The following CACNA2D3 variants were observed in gnomAD, a reference collection of about 807,000 sequenced individuals.
The protein encoded by CACNA2D3 is voltage-dependent calcium channel subunit alpha-2/delta-3.
In CACNA2D3, 60 loss-of-function variants were observed where a neutral mutation model predicts 160.6. The observed-to-expected ratio is 0.37, with a 90% CI of 0.30 to 0.46. The LOEUF (loss-of-function observed/expected upper bound fraction) is 0.46. CACNA2D3 is among the 20% of genes least tolerant of loss of function. The probability of loss-of-function intolerance (pLI) is 1.00; values close to 1 mark genes in which losing one functional copy is unlikely to be tolerated. For synonymous variants in CACNA2D3, 558 were observed against 492.9 expected, an observed-to-expected ratio of 1.13 and a Z score of -1.75; for missense variants, 1,205 against 1,365.0, an observed-to-expected ratio of 0.88 and a Z score of 1.85.
intron 3 of CACNA2D3, among the ~76,000 whole-genome samples, chr3:54,345,779 A>G (rs185155180): frequency 9.9e-5 from 15 of 152,170 alleles, no homozygotes; most frequent in Admixed American, 7.2e-4. Flanking sequence ...GGAAGAGTCT[A>G]AGTCTTTGCA....
At chr3:54,450,912 G>A (rs572225425) in intron 4 of CACNA2D3, among the ~76,000 whole-genome samples, 1 of 152,248 alleles carries the variant, frequency 6.6e-6, no homozygotes, top group East Asian at 1.9e-4. Context: ...GTGGATCTGA[G>A]AAACAAGTTA....
intron 11 of CACNA2D3, among the ~76,000 whole-genome samples, chr3:54,687,565 G>A (rs986675520): frequency 3.3e-5 from 5 of 152,132 alleles, no homozygotes; most frequent in African/African-American, 7.2e-5. Flanking sequence ...TGGTTGATAT[G>A]CCCAAAAGTT....
At chr3:54,544,456 TGCAGTG>T (rs1702029795) in intron 5 of CACNA2D3, among the ~76,000 whole-genome samples, 1 of 151,890 alleles carries the variant, frequency 6.6e-6, no homozygotes, top group Admixed American at 6.6e-5. Flanking sequence ...AAGACTGGAG[TGCAGTG>T]GCATGATCAT....
chr3:54,682,665 AAGTGAGTAT>A (rs1700376263), intron 11 of CACNA2D3, among the ~76,000 whole-genome samples: 1 of 149,904 alleles, frequency 6.7e-6, no homozygotes, highest in Non-Finnish European at 1.5e-5. Context: ...CAAGTTCAAA[AAGTGAGTAT>A]AGTGAATGCC....
At chr3:54,590,560 A>T (rs1702838865) in intron 9 of CACNA2D3, among the ~76,000 whole-genome samples, 1 of 151,832 alleles carries the variant, frequency 6.6e-6, no homozygotes, top group Non-Finnish European at 1.5e-5. Flanking sequence ...GTAACATGTC[A>T]TTGAAGAATA....
At chr3:54,490,459 T>G (rs1193166203) in intron 4 of CACNA2D3, among the ~76,000 whole-genome samples, 1 of 152,244 alleles carries the variant, frequency 6.6e-6, no homozygotes, top group African/African-American at 2.4e-5. Context: ...CATCTAATTC[T>G]TCCTCTGGCT....
chr3:54,156,036 T>G (rs570956155), intron 2 of CACNA2D3, among the ~76,000 whole-genome samples: 1 of 152,292 alleles, frequency 6.6e-6, no homozygotes, highest in East Asian at 1.9e-4. Context: ...TTAGCCTGGT[T>G]TATGTGCAAA....
chr3:54,427,222 C>T (rs914481840), intron 4 of CACNA2D3, among the ~76,000 whole-genome samples: 1 of 152,084 alleles, frequency 6.6e-6, no homozygotes, highest in African/African-American at 2.4e-5. Flanking sequence ...GTTATCTGTG[C>T]GTATCTGTTG....
intron 11 of CACNA2D3, among the ~76,000 whole-genome samples, chr3:54,738,374 G>A (rs1701574494): frequency 6.6e-6 from 1 of 152,186 alleles, no homozygotes; most frequent in African/African-American, 2.4e-5. Context: ...AGAACTTCCT[G>A]CAGTCATAAG....
intron 4 of CACNA2D3, among the ~76,000 whole-genome samples, chr3:54,460,263 T>A (rs1367173995): frequency 1.3e-5 from 2 of 152,188 alleles, no homozygotes; most frequent in Non-Finnish European, 2.9e-5. Flanking sequence ...GCAGGCTCTT[T>A]TTTGGTTCCA....
At chr3:55,034,627 TG>T (rs1559469844) in intron 35 of CACNA2D3, among the ~76,000 whole-genome samples, 3 of 152,106 alleles carry the variant, frequency 2.0e-5, no homozygotes, top group Non-Finnish European at 2.9e-5. Flanking sequence ...CTTCCATTCA[TG>T]CTTTCTGGTT....
chr3:54,402,640 A>G (rs1236811383), intron 4 of CACNA2D3, among the ~76,000 whole-genome samples: 1 of 152,180 alleles, frequency 6.6e-6, no homozygotes, highest in Non-Finnish European at 1.5e-5. Context: ...ACAAATATTA[A>G]TTGACATTAA....
rs570466609 is a variant in CACNA2D3 at position 54,270,615 on chromosome 3, G to A, written c.205-49827G>A. Among the ~76,000 whole-genome samples the A allele has an allele frequency of 2.6e-5, 4 of 152,304 alleles. No individual in the cohort carries two copies. In the East Asian group the frequency reaches 5.8e-4, roughly 22 times the overall value. ...ACAGTTCCATAGGTTGGAAGCCTGG[G>A]TGGGCTCTGCTGAGTTCTATGATCA... On this transcript the variant is annotated intron_variant, in intron 2 of 37. Coordinates refer to ENST00000474759, the MANE Select transcript of CACNA2D3 (RefSeq NM_018398.3).
At chr3:55,041,850 C>A (rs1703966916) in intron 35 of CACNA2D3, among the ~76,000 whole-genome samples, 1 of 151,850 alleles carries the variant, frequency 6.6e-6, no homozygotes, top group Non-Finnish European at 1.5e-5. Context: ...TGATATGATG[C>A]CTTTTACTGT....
At chr3:54,498,064 C>A (rs536051828) in intron 4 of CACNA2D3, among the ~76,000 whole-genome samples, 1 of 141,844 alleles carries the variant, frequency 7.1e-6, no homozygotes, top group South Asian at 2.2e-4. Flanking sequence ...TTTTAAAGTT[C>A]TTGTTTGGTG....
intron 2 of CACNA2D3, among the ~76,000 whole-genome samples, chr3:54,283,713 A>G (rs1702937472): frequency 6.6e-6 from 1 of 152,180 alleles, no homozygotes; most frequent in African/African-American, 2.4e-5. Context: ...TCAAAACCTG[A>G]TAACGACAGT....
intron 35 of CACNA2D3, among the ~76,000 whole-genome samples, chr3:55,020,184 A>G (rs1228478555): frequency 6.6e-6 from 1 of 151,282 alleles, no homozygotes; most frequent in Non-Finnish European, 1.5e-5. Context: ...AAATCATGAA[A>G]TATATATATA....
intron 11 of CACNA2D3, among the ~76,000 whole-genome samples, chr3:54,740,377 A>T (rs79297165): frequency 3.7e-4 from 57 of 152,210 alleles, no homozygotes; most frequent in African/African-American, 1.3e-3. Context: ...TTGCCTTCCC[A>T]CCCTATTCAC....
intron 6 of CACNA2D3, among the ~76,000 whole-genome samples, chr3:54,568,614 G>A (rs1702446214): frequency 6.6e-6 from 1 of 152,104 alleles, no homozygotes; most frequent in South Asian, 2.1e-4. Context: ...TAAATTAATT[G>A]CATTCTTGTC....
Sources: gnomAD v4.1 joint callset for allele counts (sites outside exome capture counted in the v4.1 genomes callset) on GRCh38, gnomAD v4.1.1 for gene constraint, MANE v1.5 for transcripts, NCBI Gene and HGNC (gene_info 2026-07-23, HGNC 2026-07-21) for gene names.